PTPN2: variants seen among roughly 807,000 people sequenced by gnomAD.
The protein encoded by PTPN2 is tyrosine-protein phosphatase non-receptor type 2.
In PTPN2, 19 loss-of-function variants were observed where a neutral mutation model predicts 57.3. The ratio of observed to expected loss-of-function variants is 0.33; its 90% CI spans 0.23 to 0.49. The LOEUF (loss-of-function observed/expected upper bound fraction) is 0.49. Among genes scored for constraint, PTPN2 ranks in the 20% least tolerant of loss-of-function variants. The pLI is 0.99. For synonymous variants in PTPN2, 153 were observed against 164.9 expected (o/e 0.93, Z 0.55); for missense variants, 358 against 501.1 (o/e 0.71, Z 2.73).
At chr18:12,873,004 T>C (rs1016753161) in intron 1 of PTPN2, among the ~76,000 whole-genome samples, 3 of 152,180 alleles carry the variant, frequency 2.0e-5, no homozygotes, top group Non-Finnish European at 4.4e-5. Context: ...GTGGATCACC[T>C]GAGGTCAGGA....
rs986606636 is a variant in PTPN2 at position 12,807,789 on chromosome 18, G to A, written c.859-5638C>T. On this transcript the variant is annotated intron_variant, in intron 7 of 8. Transcript: ENST00000309660. ...TAGAATAGTACCTACTGGAGGCTTCGCAGAGTAGGGAAGAGGGGGCATAGT... is the reference window on the plus strand; with the variant it reads ...TAGAATAGTACCTACTGGAGGCTTCACAGAGTAGGGAAGAGGGGGCATAGT... Among the ~76,000 whole-genome samples, 4 of 151,646 alleles carry A rather than the reference G, an allele frequency of 2.6e-5. No homozygotes were observed. In the East Asian group the frequency reaches 7.7e-4, roughly 29 times the overall value.
chr18:12,860,640 T>C (rs1008328700), intron 1 of PTPN2, among the ~76,000 whole-genome samples: 1 of 152,100 alleles, frequency 6.6e-6, no homozygotes, highest in Non-Finnish European at 1.5e-5. Flanking sequence ...CGAGCGCCTG[T>C]AATCCCAGCT....
chr18:12,883,127 G>A lies in PTPN2; in HGVS notation c.69+946C>T, dbSNP rs1340759728. Among the ~76,000 whole-genome samples the A allele has an allele frequency of 4.6e-5, 7 of 152,156 alleles. No homozygotes were observed. The South Asian group carries it at 1.0e-3, about 23-fold the overall frequency. ...TCGGAACACCGTGCCCCCGGGGAGG[G>A]GATGAGGGCACTTTCTCAGGGCAAG... On this transcript the variant is annotated intron_variant, in intron 1 of 8. Coordinates refer to ENST00000309660, the MANE Select transcript of PTPN2 (RefSeq NM_002828.4).
At chr18:12,821,265 G>A (rs564179601) in intron 5 of PTPN2, 7 of 152,166 alleles carry the variant, frequency 4.6e-5, no homozygotes, top group Admixed American at 2.6e-4. Context: ...TTAATGTGAA[G>A]TGCCTGCCAT....
chr18:12,795,460 A>T (rs1036595486), intron 8 of PTPN2, among the ~76,000 whole-genome samples: 4 of 151,910 alleles, frequency 2.6e-5, no homozygotes, highest in Non-Finnish European at 4.4e-5. Flanking sequence ...CGCCTGGCTA[A>T]TTTTTTTGTA....
At chr18:12,816,602 C>A (rs2042083484) in intron 6 of PTPN2, among the ~76,000 whole-genome samples, 1 of 152,124 alleles carries the variant, frequency 6.6e-6, no homozygotes, top group Non-Finnish European at 1.5e-5. Flanking sequence ...TGTATACAGG[C>A]TGGGACTGGG....
chr18:12,870,431 A>ATATATGTATATATATACG (rs2044203145), intron 1 of PTPN2, among the ~76,000 whole-genome samples: 1 of 38,910 alleles, frequency 2.6e-5, no homozygotes, highest in Non-Finnish European at 4.0e-5. Flanking sequence ...ATATACGTAT[A>ATATATGTATATATATACG]TATATATGTG....
At position 12,851,336 on chromosome 18, in the gene PTPN2, G is replaced by A. The variant is rs1215759986; in HGVS notation, c.160+7828C>T. The stretch of plus-strand genomic sequence containing the variant: ...CTACTAAAAATACAAAAAATTAGCC[G>A]GGCGCGGTGGCGGGCGCCTGTAGTC... On this transcript the variant is annotated intron_variant, in intron 2 of 8. Transcript: ENST00000309660. Among the ~76,000 whole-genome samples, 3 of 39,954 alleles carry A rather than the reference G, an allele frequency of 7.5e-5. 1 individual carries two copies. The highest frequency in any genetic ancestry group is 5.6e-4 in the East Asian group (1 of 1,786). 26.2% of individuals were successfully genotyped at this position (39,954 alleles called of 152,430 possible). A position where few individuals can be genotyped will look rare whatever the true frequency, so the allele number is the denominator to read the frequency against.
chr18:12,795,546 C>G (rs935452974), intron 8 of PTPN2, among the ~76,000 whole-genome samples: 1 of 152,146 alleles, frequency 6.6e-6, no homozygotes, highest in African/African-American at 2.4e-5. Context: ...CCGCCCACCT[C>G]AGCCTCCCAA....
In PTPN2 at chr18:12,835,382, C is replaced by CTTTTTTTTTTT. The variant is rs60239177; in HGVS notation, c.261+1398_261+1408dup. Among the ~76,000 whole-genome samples the CTTTTTTTTTTT allele has an allele frequency of 9.0e-3, 885 of 98,852 alleles. 69 individuals carry two copies. Among genetic ancestry groups the CTTTTTTTTTTT allele is most frequent in the African/African-American group, 0.031 (739 of 23,832 alleles). The allele number at this position is 98,852 out of a possible 152,430, so 64.9% of individuals were successfully genotyped here. A position where few individuals can be genotyped will look rare whatever the true frequency, so the allele number is the denominator to read the frequency against. ...CTGCAATGAACATGATCACATATGT[C>CTTTTTTTTTTT]TTTTTTTTTTTTTTGGACAGTTTTG... On this transcript the variant is annotated intron_variant, in intron 3 of 8. Coordinates refer to ENST00000309660, the MANE Select transcript of PTPN2 (RefSeq NM_002828.4).
chr18:12,868,078 A>C (rs1231812947), intron 1 of PTPN2, among the ~76,000 whole-genome samples: 1 of 152,236 alleles, frequency 6.6e-6, no homozygotes, highest in Non-Finnish European at 1.5e-5. Context: ...TATGTGGGAA[A>C]GACCCTTCTC....
chr18:12,877,117 G>A (rs1214489702), intron 1 of PTPN2, among the ~76,000 whole-genome samples: 1 of 152,216 alleles, frequency 6.6e-6, no homozygotes, highest in Middle Eastern at 3.4e-3. Context: ...GAGGGGTTTG[G>A]AATAAACTAA....
intron 2 of PTPN2, among the ~76,000 whole-genome samples, chr18:12,853,610 T>C (rs1297806405): frequency 6.6e-6 from 1 of 152,104 alleles, no homozygotes; most frequent in Non-Finnish European, 1.5e-5. Context: ...GTTGAGCTGG[T>C]ATTTGCAGAA....
chr18:12,858,508 CAA>C (rs1248779651), intron 2 of PTPN2, among the ~76,000 whole-genome samples: 1 of 151,734 alleles, frequency 6.6e-6, no homozygotes, highest in Non-Finnish European at 1.5e-5. Context: ...GGAACTTATG[CAA>C]AAGAGTGGTA....
intron 1 of PTPN2, among the ~76,000 whole-genome samples, chr18:12,877,195 T>C (rs2044518522): frequency 6.6e-6 from 1 of 152,076 alleles, no homozygotes; most frequent in Non-Finnish European, 1.5e-5. Flanking sequence ...ATCTAACATG[T>C]TTCAGGTCCC....
chr18:12,866,437 AAAAAC>A (rs200227789), intron 1 of PTPN2, among the ~76,000 whole-genome samples: 56,883 of 148,136 alleles, frequency 0.38, 11,395 homozygotes, highest in East Asian at 0.64. Flanking sequence ...GACTCCTCTC[AAAAAC>A]AAAACAAAAC....
chr18:12,857,200 G>C (rs1010395693), intron 2 of PTPN2, among the ~76,000 whole-genome samples: 5 of 152,052 alleles, frequency 3.3e-5, no homozygotes, highest in Non-Finnish European at 7.4e-5. Context: ...AGGGAAGGAG[G>C]ATCCAAGCAA....
chr18:12,835,659 A>C (rs1350321966), intron 3 of PTPN2, among the ~76,000 whole-genome samples: 2 of 152,094 alleles, frequency 1.3e-5, no homozygotes, highest in East Asian at 3.9e-4. Flanking sequence ...TACAGGTGTG[A>C]GCCTCCGCGC....
chr18:12,839,586 T>C (rs1345973684), intron 2 of PTPN2: 1 of 152,184 alleles, frequency 6.6e-6, no homozygotes, highest in East Asian at 1.9e-4. Flanking sequence ...TCAAACTCTT[T>C]TGCATGGGAT....
Sources: allele counts gnomAD v4.1 joint callset (sites outside exome capture counted in the v4.1 genomes callset), GRCh38; gene constraint gnomAD v4.1.1; transcripts MANE v1.5; gene names NCBI Gene and HGNC (gene_info 2026-07-23, HGNC 2026-07-21).